MAGI2: variants seen among roughly 807,000 people sequenced by gnomAD.
MAGI2 encodes the protein membrane-associated guanylate kinase, WW and PDZ domain-containing protein 2.
Under a neutral mutation model 133.3 loss-of-function variants are expected in MAGI2, and 35 were observed. The observed-to-expected ratio is 0.26, with a 90% confidence interval of 0.20 to 0.35. The LOEUF (loss-of-function observed/expected upper bound fraction) is 0.35, where lower values mean the gene tolerates loss of function less well. Among genes scored for constraint, MAGI2 ranks in the 10% least tolerant of loss-of-function variants. MAGI2 has a pLI of 1.00. For synonymous variants in MAGI2, 729 were observed against 710.6 expected (o/e 1.03, Z -0.41); for missense variants, 1,636 against 1,863.4 (o/e 0.88, Z 2.25).
intron 6 of MAGI2, among the ~76,000 whole-genome samples, chr7:78,440,619 T>C (rs1013309787): frequency 3.9e-5 from 6 of 151,954 alleles, no homozygotes; most frequent in East Asian, 3.9e-4. Context: ...TAAAAGTATA[T>C]GTAGGGGGAG....
intron 3 of MAGI2, among the ~76,000 whole-genome samples, chr7:78,537,414 A>G (rs62468601): frequency 0.066 from 10,055 of 152,244 alleles, 409 homozygotes; most frequent in Non-Finnish European, 0.097. Context: ...TCTTTAAGAA[A>G]TCTCCATACT....
intron 19 of MAGI2, among the ~76,000 whole-genome samples, chr7:78,126,194 GT>G (rs1820963001): frequency 5.4e-4 from 2 of 3,712 alleles, no homozygotes; most frequent in Non-Finnish European, 1.8e-3. Flanking sequence ...TAAATGTCAG[GT>G]GTGTGTGTGT....
intron 2 of MAGI2, among the ~76,000 whole-genome samples, chr7:78,672,821 A>G (rs921489276): frequency 3.3e-5 from 5 of 152,142 alleles, no homozygotes; most frequent in Admixed American, 6.6e-5. Flanking sequence ...ATGCATGCCA[A>G]TGTTTGCACA....
intron 1 of MAGI2, among the ~76,000 whole-genome samples, chr7:79,021,967 T>A (rs1338851234): frequency 6.6e-6 from 1 of 152,088 alleles, no homozygotes; most frequent in Admixed American, 6.5e-5. Context: ...GTGAGCGAGT[T>A]CTCTCAAGAT....
chr7:78,731,703 T>C (rs1357660166), intron 2 of MAGI2, among the ~76,000 whole-genome samples: 1 of 152,138 alleles, frequency 6.6e-6, no homozygotes, highest in East Asian at 1.9e-4. Flanking sequence ...CTCTTCAGTA[T>C]CCAATTTTTG....
intron 1 of MAGI2, among the ~76,000 whole-genome samples, chr7:79,208,704 C>T (rs1401708890): frequency 1.3e-5 from 2 of 151,714 alleles, no homozygotes; most frequent in South Asian, 2.1e-4. Context: ...AAATGCAATC[C>T]GTATGTTGAA....
chr7:78,195,879 C>A (rs1033893080), intron 11 of MAGI2, among the ~76,000 whole-genome samples: 1 of 152,236 alleles, frequency 6.6e-6, no homozygotes, highest in African/African-American at 2.4e-5. Context: ...CATTCATCAA[C>A]TGATGCCTCA....
chr7:78,019,381 C>A lies in MAGI2; in HGVS notation c.4302G>T (p.Trp1434Cys). 7.6e-7 allele frequency: 1 copy of A among 1,312,706 alleles called. No individual in the cohort carries two copies. The highest frequency in any genetic ancestry group is 9.7e-7 in the Non-Finnish European group (1 of 1,034,300). The allele number at this position is 1,312,706 out of a possible 1,614,324, so 81.3% of individuals were successfully genotyped here. Residue 1434 changes from tryptophan to cysteine, a missense_variant, in exon 22 of 22, where the codon TGG (tryptophan) becomes TGT (cysteine). By Grantham distance (215) the Trp-to-Cys change is radical (BLOSUM62 -2). Transcript: ENST00000354212. ...ARKAAVAPGP[W>C]KVPGSDKLPS... is the part of the protein sequence containing the mutation. Reference sequence around the variant, plus strand: ...GCAGCTTGTCAGAACCCGGCACCTTCCAGGGCCCCGGCGCGACGGCGGCCT... The same window carrying A: ...GCAGCTTGTCAGAACCCGGCACCTTACAGGGCCCCGGCGCGACGGCGGCCT...
chr7:78,263,535 G>A (rs1056729929), intron 9 of MAGI2, among the ~76,000 whole-genome samples: 3 of 152,062 alleles, frequency 2.0e-5, no homozygotes, highest in African/African-American at 7.2e-5. Context: ...GAGCTTGTGG[G>A]GTAATGGGGT....
chr7:78,067,319 A>C (rs1813937840), intron 21 of MAGI2, among the ~76,000 whole-genome samples: 1 of 152,204 alleles, frequency 6.6e-6, no homozygotes, highest in Non-Finnish European at 1.5e-5. Context: ...CCAGAAGGTC[A>C]AATAAAAGTG....
chr7:79,439,124 C>T (rs902452982), intron 1 of MAGI2, among the ~76,000 whole-genome samples: 1 of 152,016 alleles, frequency 6.6e-6, no homozygotes, highest in South Asian at 2.1e-4. Context: ...TTTTCCCTAT[C>T]CCACCTTGGG....
At chr7:78,121,510 T>A (rs6965838) in intron 20 of MAGI2, among the ~76,000 whole-genome samples, 2 of 152,072 alleles carry the variant, frequency 1.3e-5, no homozygotes, top group Non-Finnish European at 2.9e-5. Context: ...AATATGAATT[T>A]GTAATCAAGA....
chr7:78,169,829 C>G (rs908218446), intron 14 of MAGI2, among the ~76,000 whole-genome samples: 1 of 152,216 alleles, frequency 6.6e-6, no homozygotes, highest in African/African-American at 2.4e-5. Context: ...CCATTCACTA[C>G]AGTCCAGAAG....
intron 6 of MAGI2, among the ~76,000 whole-genome samples, chr7:78,453,144 C>A (rs1788908795): frequency 6.6e-6 from 1 of 152,148 alleles, no homozygotes; most frequent in South Asian, 2.1e-4. Flanking sequence ...GACTTTGCCA[C>A]ATCCAGACCT....
chr7:78,462,800 C>T (rs541908842), intron 6 of MAGI2, among the ~76,000 whole-genome samples: 119 of 152,272 alleles, frequency 7.8e-4, no homozygotes, highest in Admixed American at 2.2e-3. Context: ...CATGCAGCAA[C>T]GAGGAAGCAG....
intron 1 of MAGI2, among the ~76,000 whole-genome samples, chr7:79,389,888 C>T (rs147522906): frequency 1.4e-3 from 215 of 152,140 alleles, no homozygotes; most frequent in African/African-American, 5.0e-3. Context: ...GACAAGGGAC[C>T]TAGGGGAGAC....
At chr7:78,687,834 T>C (rs918798005) in intron 2 of MAGI2, among the ~76,000 whole-genome samples, 3 of 151,326 alleles carry the variant, frequency 2.0e-5, no homozygotes, top group Non-Finnish European at 4.4e-5. Context: ...TTGGGCAGTA[T>C]TGGCATACAC....
At chr7:78,675,735 T>C (rs1462128886) in intron 2 of MAGI2, among the ~76,000 whole-genome samples, 1 of 152,132 alleles carries the variant, frequency 6.6e-6, no homozygotes, top group Non-Finnish European at 1.5e-5. Context: ...GGACACGCCA[T>C]GAATCATGAC....
intron 1 of MAGI2, among the ~76,000 whole-genome samples, chr7:79,280,036 T>G (rs1230712258): frequency 2.0e-5 from 3 of 152,186 alleles, no homozygotes; most frequent in Non-Finnish European, 4.4e-5. Flanking sequence ...TTTTTTATTT[T>G]TTTAGCATCA....
Sources: allele counts gnomAD v4.1 joint callset (sites outside exome capture counted in the v4.1 genomes callset), GRCh38; gene constraint gnomAD v4.1.1; transcripts MANE v1.5; gene names NCBI Gene and HGNC (gene_info 2026-07-23, HGNC 2026-07-21).